The following FRMPD4 variants were observed in gnomAD, a reference collection of about 807,000 sequenced individuals.
FRMPD4 encodes the protein FERM and PDZ domain-containing protein 4.
Under a neutral mutation model 94.1 loss-of-function variants are expected in FRMPD4, and 22 were observed. The ratio of observed to expected loss-of-function variants is 0.23; its 90% confidence interval spans 0.17 to 0.33. FRMPD4 has a LOEUF of 0.33. FRMPD4 is among the 10% of genes least tolerant of loss of function. FRMPD4 has a pLI of 1.00. For synonymous variants in FRMPD4, 631 were observed against 548.6 expected (o/e 1.15, Z -2.10); for missense variants, 1,111 against 1,339.9 (o/e 0.83, Z 2.67).
At chrX:12,663,104 G>C (rs984021418) in intron 4 of FRMPD4, among the ~76,000 whole-genome samples, 1 of 112,001 alleles carries the variant, frequency 8.9e-6, no homozygotes, top group Non-Finnish European at 1.9e-5. Flanking sequence ...GGATATTAGC[G>C]CTTTGTCAGA....
chrX:12,668,989 A>G (rs1045535686), intron 4 of FRMPD4, among the ~76,000 whole-genome samples: 2 of 111,873 alleles, frequency 1.8e-5, no homozygotes, highest in African/African-American at 3.3e-5. Context: ...ATGGACCCCA[A>G]TGATCTCTCC....
chrX:12,225,435 AG>A (rs1375400265), intron 1 of FRMPD4, among the ~76,000 whole-genome samples: 3 of 112,202 alleles, frequency 2.7e-5, no homozygotes, highest in African/African-American at 9.7e-5. Flanking sequence ...GAAGGAAGAT[AG>A]ATGCCCATCT....
chrX:11,973,590 G>A (rs1426814288), intron 3 of FRMPD4, among the ~76,000 whole-genome samples: 1 of 112,123 alleles, frequency 8.9e-6, no homozygotes, highest in African/African-American at 3.2e-5. Context: ...CTGGATAAAG[G>A]CAGCTAATTG....
intron 3 of FRMPD4, among the ~76,000 whole-genome samples, chrX:12,098,272 GA>G (rs5901461): frequency 0.31 from 32,229 of 102,628 alleles, 4,203 homozygotes; most frequent in African/African-American, 0.52. Context: ...GAAAGAAAAA[GA>G]AAAAAAAAAA....
intron 1 of FRMPD4, among the ~76,000 whole-genome samples, chrX:12,406,433 G>GA (rs2056667668): frequency 8.9e-6 from 1 of 111,775 alleles, no homozygotes; most frequent in African/African-American, 3.3e-5. Context: ...ATGTTAGAGG[G>GA]AAAAAATCAA....
intron 2 of FRMPD4, among the ~76,000 whole-genome samples, chrX:12,509,844 T>C (rs1320537246): frequency 3.6e-5 from 4 of 112,473 alleles, no homozygotes; most frequent in African/African-American, 1.3e-4. Context: ...TTAGTGTGGC[T>C]GTTTATCAGA....
intron 1 of FRMPD4, among the ~76,000 whole-genome samples, chrX:12,284,465 T>C (rs942352975): frequency 9.0e-6 from 1 of 111,533 alleles, no homozygotes; most frequent in Non-Finnish European, 1.9e-5. Flanking sequence ...TTTGCGGAAG[T>C]GTAAGACCAA....
At chrX:12,595,003 T>A (rs745652500) in intron 2 of FRMPD4, among the ~76,000 whole-genome samples, 4 of 111,993 alleles carry the variant, frequency 3.6e-5, no homozygotes, top group African/African-American at 1.3e-4. Context: ...AAAATGAATG[T>A]GCTAATACAT....
Position 12,722,563 on chromosome X carries a change from G to C in FRMPD4, c.*705G>C, listed in dbSNP as rs1260363369. 9.0e-6 allele frequency: 1 copy of C among 111,330 alleles called. No homozygotes were observed. The highest frequency in any genetic ancestry group is 1.9e-5 in the Non-Finnish European group (1 of 53,053). The allele number at this position is 111,330 out of a possible 1,213,427, so 9.2% of individuals were successfully genotyped here. The stretch of plus-strand genomic sequence containing the variant: ...TAGCATTTAAAAAACTTCCCGGGGA[G>C]AAGAACAGAGGGGATGATGGGCAGT... On this transcript the variant is annotated 3_prime_UTR_variant, in exon 17 of 17. Coordinates refer to ENST00000675598, the MANE Select transcript of FRMPD4 (RefSeq NM_001368397.1).
At chrX:12,169,501 T>C (rs1462262294) in intron 1 of FRMPD4, among the ~76,000 whole-genome samples, 1 of 111,807 alleles carries the variant, frequency 8.9e-6, no homozygotes, top group Non-Finnish European at 1.9e-5. Context: ...GCAGGTCAAA[T>C]CTGGCCCACT....
intron 4 of FRMPD4, among the ~76,000 whole-genome samples, chrX:12,640,502 T>C (rs1456004781): frequency 9.0e-6 from 1 of 111,149 alleles, no homozygotes; most frequent in Non-Finnish European, 1.9e-5. Flanking sequence ...CAAGGCTATT[T>C]TAGGCATCTG....
intron 2 of FRMPD4, among the ~76,000 whole-genome samples, chrX:12,557,732 G>A (rs1328053424): frequency 1.8e-5 from 2 of 111,439 alleles, no homozygotes; most frequent in African/African-American, 6.5e-5. Context: ...TTTATTCTAA[G>A]TGTTACATGA....
intron 4 of FRMPD4, among the ~76,000 whole-genome samples, chrX:12,643,142 G>GTT (rs148740345): frequency 0.065 from 6,716 of 102,647 alleles, 257 homozygotes; most frequent in Middle Eastern, 0.14. Flanking sequence ...AAATAATTCA[G>GTT]TTTTTTTTTT....
Position 12,563,298 on chromosome X carries a change from AGACT to A in FRMPD4, c.159-46421_159-46418del, listed in dbSNP as rs777133238. On this transcript the variant is annotated intron_variant, in intron 2 of 16. Coordinates refer to ENST00000675598, the MANE Select transcript of FRMPD4 (RefSeq NM_001368397.1). The stretch of plus-strand genomic sequence containing the variant: ...CATACCAGACCTCTGAATCAGAGAC[AGACT>A]GCTCACAGAGCTTTTCCCAAAGCCC... Among the ~76,000 whole-genome samples, 344 of 111,440 alleles carry A rather than the reference AGACT, an allele frequency of 3.1e-3. 2 individuals carry two copies. Among genetic ancestry groups the A allele is most frequent in the African/African-American group, 0.011 (332 of 30,494 alleles).
chrX:11,986,489 A>G (rs6639115), intron 3 of FRMPD4, among the ~76,000 whole-genome samples: 9,931 of 111,701 alleles, frequency 0.089, 368 homozygotes, highest in East Asian at 0.24. Context: ...GACTTCAAAT[A>G]AATAACCTAG....
intron 1 of FRMPD4, among the ~76,000 whole-genome samples, chrX:12,280,247 AAATAATAAT>A (rs374670611): frequency 6.9e-4 from 71 of 102,218 alleles, no homozygotes; most frequent in African/African-American, 8.9e-4. Flanking sequence ...GGCTGCTTTA[AAATAATAAT>A]AATAATAATA....
In FRMPD4 at chrX:12,716,537, C is replaced by T; in HGVS notation, c.2078C>T (p.Ala693Val). The T allele has an allele frequency of 8.3e-7, 1 of 1,209,045 alleles. No homozygotes were observed. The highest frequency in any genetic ancestry group is 1.1e-6 in the Non-Finnish European group (1 of 893,368). The change falls in exon 15 of 17, where the codon GCC (alanine) becomes GTC (valine). Residue 693 changes from alanine (A) to valine (V), a missense_variant. By Grantham distance (64) the Ala-to-Val change is moderately conservative. Around this residue, in one of 8 missense-constraint regions of FRMPD4, gnomAD observed 192 missense variants for 192.5 expected, o/e 1.00. Coordinates refer to ENST00000675598, the MANE Select transcript of FRMPD4 (RefSeq NM_001368397.1). ...CAGAGAAATCTCTACATTGGCAGTG[C>T]CAATGACATGAAGGGCCTGGATCTC... ...EKQRNLYIGSANDMKGLDLTP... is the reference protein window; with the variant it reads ...EKQRNLYIGSVNDMKGLDLTP...
intron 4 of FRMPD4, among the ~76,000 whole-genome samples, chrX:12,624,290 G>A (rs73632692): frequency 0.075 from 8,353 of 111,799 alleles, 416 homozygotes; most frequent in East Asian, 0.23. Context: ...TATGAAAGTC[G>A]AAAGACAAAA....
At chrX:11,872,561 A>G (rs779003041) in intron 2 of FRMPD4, among the ~76,000 whole-genome samples, 2 of 112,418 alleles carry the variant, frequency 1.8e-5, no homozygotes, top group African/African-American at 6.5e-5. Context: ...AAACAAAGGG[A>G]AAAAGAAAGA....
Sources: gnomAD v4.1 joint callset for allele counts (sites outside exome capture counted in the v4.1 genomes callset) on GRCh38, gnomAD v4.1.1 for gene constraint, gnomAD v4.1.1 regional missense constraint, MANE v1.5 for transcripts, NCBI Gene and HGNC (gene_info 2026-07-23, HGNC 2026-07-21) for gene names.